Variants in SLC39A11 observed in about 807,000 individuals in gnomAD.
SLC39A11 encodes zinc transporter ZIP11.
Under a neutral mutation model 36.1 loss-of-function variants are expected in SLC39A11, and 33 were observed. The ratio of observed to expected loss-of-function variants is 0.91; its 90% CI spans 0.69 to 1.22. SLC39A11 has a LOEUF of 1.22. Ranked by LOEUF, SLC39A11 falls within the 50% of genes most tolerant of loss-of-function variation. SLC39A11 has a pLI of 0.00. For synonymous variants in SLC39A11, 166 were observed against 170.3 expected, an observed-to-expected ratio of 0.97 and a Z score of 0.20; for missense variants, 432 against 430.3, an observed-to-expected ratio of 1.00 and a Z score of -0.03.
At chr17:72,996,932 G>T (rs563142359) in intron 4 of SLC39A11, among the ~76,000 whole-genome samples, 1 of 152,042 alleles carries the variant, frequency 6.6e-6, no homozygotes, top group African/African-American at 2.4e-5. Flanking sequence ...CTCTGCCCTT[G>T]TCATGAGAAA....
intron 7 of SLC39A11, among the ~76,000 whole-genome samples, chr17:72,652,794 G>T (rs187777188): frequency 6.6e-6 from 1 of 152,282 alleles, no homozygotes; most frequent in African/African-American, 2.4e-5. Flanking sequence ...ACTTGTGTGA[G>T]ATTTTTACAT....
intron 6 of SLC39A11, among the ~76,000 whole-genome samples, chr17:72,748,150 C>A (rs955178584): frequency 6.6e-6 from 1 of 152,080 alleles, no homozygotes; most frequent in East Asian, 1.9e-4. Context: ...GGGAAAACCC[C>A]GTCTCTCCTA....
chr17:72,655,773 T>C (rs1181584431), intron 7 of SLC39A11, among the ~76,000 whole-genome samples: 1 of 151,894 alleles, frequency 6.6e-6, no homozygotes, highest in Non-Finnish European at 1.5e-5. Context: ...GCAAAGCAGG[T>C]GGTATTCGGG....
chr17:72,799,338 G>T (rs1436015711), intron 6 of SLC39A11, among the ~76,000 whole-genome samples: 1 of 152,116 alleles, frequency 6.6e-6, no homozygotes, highest in Non-Finnish European at 1.5e-5. Context: ...AAACATGTCT[G>T]TTTGAACAAT....
intron 3 of SLC39A11, among the ~76,000 whole-genome samples, chr17:73,054,042 G>A (rs2059589744): frequency 6.6e-6 from 1 of 152,084 alleles, no homozygotes; most frequent in Admixed American, 6.6e-5. Context: ...AAATCAAGCT[G>A]AGCTGAGAGG....
intron 5 of SLC39A11, among the ~76,000 whole-genome samples, chr17:72,875,900 T>G (rs961331665): frequency 6.2e-4 from 94 of 152,228 alleles, no homozygotes; most frequent in African/African-American, 2.2e-3. Context: ...CATATCAGCT[T>G]AACACTGCCA....
At chr17:73,005,342 A>C (rs991610266) in intron 4 of SLC39A11, among the ~76,000 whole-genome samples, 5 of 152,184 alleles carry the variant, frequency 3.3e-5, no homozygotes, top group Non-Finnish European at 2.9e-5. Flanking sequence ...AGGACCAAAA[A>C]GTTATCCCCA....
rs2082298782 is a variant in SLC39A11 at position 72,900,179 on chromosome 17, AAGAAAG to A, written c.430+47567_430+47572del. 2.4e-4 allele frequency among the ~76,000 whole-genome samples: 35 copies of A among 146,266 alleles called. 6 individuals carry two copies. Among genetic ancestry groups the A allele is most frequent in the African/African-American group, 9.0e-4 (34 of 37,960 alleles). ...AAAGAAAGAAAGAAAGAAAGAAAGA[AAGAAAG>A]AAAGAAAGAAAGAAAGAAAGAAAGA... On this transcript the variant is annotated intron_variant, in intron 5 of 9. Coordinates refer to ENST00000255559, the MANE Select transcript of SLC39A11 (RefSeq NM_139177.4).
chr17:73,078,236 T>C (rs2060390674), intron 3 of SLC39A11, among the ~76,000 whole-genome samples: 1 of 125,028 alleles, frequency 8.0e-6, no homozygotes, highest in Non-Finnish European at 1.7e-5. Context: ...AGACTCCGTC[T>C]CAGGAAAAAA....
At position 72,648,787 on chromosome 17, in the gene SLC39A11, G is replaced by T. The variant is rs749886128; in HGVS notation, c.929+16C>A. Reference sequence around the variant, plus strand: ...GGACTGGGACAGGGACAGACAGGGAGGGAAGGTTCTCCAACCTGATCTGGG... The same window carrying T: ...GGACTGGGACAGGGACAGACAGGGATGGAAGGTTCTCCAACCTGATCTGGG... On this transcript the variant is annotated intron_variant, in intron 9 of 9. Transcript: ENST00000255559. 1 of 1,614,068 alleles carries T rather than the reference G, an allele frequency of 6.2e-7. No individual in the cohort carries two copies. Among genetic ancestry groups the T allele is most frequent in the Admixed American group, 1.7e-5 (1 of 60,022 alleles).
intron 4 of SLC39A11, among the ~76,000 whole-genome samples, chr17:72,985,576 C>A (rs1437766997): frequency 6.6e-6 from 1 of 152,026 alleles, no homozygotes; most frequent in Non-Finnish European, 1.5e-5. Context: ...CAACACCGAG[C>A]TAATTTTGGT....
intron 7 of SLC39A11, among the ~76,000 whole-genome samples, chr17:72,665,840 C>T (rs1000254280): frequency 6.6e-6 from 1 of 151,906 alleles, no homozygotes; most frequent in African/African-American, 2.4e-5. Context: ...TTTATTATCT[C>T]CTAACCTACT....
At chr17:72,659,804 T>C (rs2070329869) in intron 7 of SLC39A11, among the ~76,000 whole-genome samples, 1 of 152,122 alleles carries the variant, frequency 6.6e-6, no homozygotes, top group Non-Finnish European at 1.5e-5. Flanking sequence ...TTTGACCATG[T>C]TGGCCAGGCT....
chr17:72,884,415 CTT>C (rs2081354763), intron 5 of SLC39A11, among the ~76,000 whole-genome samples: 2 of 152,228 alleles, frequency 1.3e-5, no homozygotes, highest in African/African-American at 4.8e-5. Context: ...CTCAGAAAGT[CTT>C]TAGCTTGGAA....
rs528678035 is a variant in SLC39A11 at position 73,047,136 on chromosome 17, C to T, written c.148-15422G>A. 1.5e-4 allele frequency among the ~76,000 whole-genome samples: 23 copies of T among 151,752 alleles called. 1 individual carries two copies. The highest frequency in any genetic ancestry group is 1.1e-3 in the Admixed American group (17 of 15,246). ...ACCTCCCAGGTTCACACCATTCTCC[C>T]GCCTCAGCCTCCCGAGTAGCTGGGA... is the stretch of plus-strand genomic sequence containing the variant. On this transcript the variant is annotated intron_variant, in intron 3 of 9. Coordinates refer to ENST00000255559, the MANE Select transcript of SLC39A11 (RefSeq NM_139177.4).
At position 72,647,694 on chromosome 17, in the gene SLC39A11, C is replaced by T. The variant is rs371522863; in HGVS notation, c.930-32G>A. The T allele has an allele frequency of 5.7e-6, 9 of 1,589,220 alleles. No individual in the cohort carries two copies. In the African/African-American group the frequency reaches 1.1e-4, roughly 19 times the overall value. ...GAGAAGGACAGGAAGAAAAGTAAGA[C>T]CTTAATGATCCCTGAGGCCACGGCT... On this transcript the variant is annotated intron_variant, in intron 9 of 9. Transcript: ENST00000255559.
chr17:72,809,225 C>CTCTCTCTCTT (rs1568127678), intron 6 of SLC39A11, among the ~76,000 whole-genome samples: 20 of 151,040 alleles, frequency 1.3e-4, no homozygotes, highest in African/African-American at 4.6e-4. Flanking sequence ...CTCTCTCTCT[C>CTCTCTCTCTT]TCTTTCTTTC....
chr17:72,655,399 T>C (rs1345353223), intron 7 of SLC39A11, among the ~76,000 whole-genome samples: 1 of 152,250 alleles, frequency 6.6e-6, no homozygotes, highest in Non-Finnish European at 1.5e-5. Flanking sequence ...CTCTCAGACC[T>C]GACGACACAT....
chr17:73,004,931 A>C (rs1291728053), intron 4 of SLC39A11, among the ~76,000 whole-genome samples: 3 of 152,240 alleles, frequency 2.0e-5, no homozygotes, highest in Non-Finnish European at 2.9e-5. Context: ...CCCCACGAAG[A>C]TCACAGCACA....
Sources: allele counts gnomAD v4.1 joint callset (sites outside exome capture counted in the v4.1 genomes callset), GRCh38; gene constraint gnomAD v4.1.1; transcripts MANE v1.5; gene names NCBI Gene and HGNC (gene_info 2026-07-23, HGNC 2026-07-21).